Variants in PLD5 observed in about 807,000 individuals in gnomAD.
PLD5 encodes inactive phospholipase D5.
PLD5 carries 36 observed loss-of-function variants against 61.1 expected under a neutral mutation model. The observed-to-expected ratio is 0.59, with a 90% CI of 0.45 to 0.78. The LOEUF is 0.78. Ranked by LOEUF, PLD5 falls within the 30% of genes least tolerant of loss-of-function variation. PLD5 has a pLI of 0.00. For synonymous variants in PLD5, 243 were observed against 242.8 expected (o/e 1.00, Z -0.01); for missense variants, 515 against 644.4 (o/e 0.80, Z 2.17).
chr1:242,496,509 C>T (rs1442493845), intron 1 of PLD5, among the ~76,000 whole-genome samples: 5 of 152,122 alleles, frequency 3.3e-5, no homozygotes, highest in Admixed American at 2.6e-4. Context: ...TTTTAAAAAG[C>T]ATTTCTGGAT....
chr1:242,363,457 A>G (rs1404879751), intron 1 of PLD5, among the ~76,000 whole-genome samples: 60 of 132,082 alleles, frequency 4.5e-4, no homozygotes, highest in South Asian at 1.6e-3. Flanking sequence ...GTCTCTTTAA[A>G]AAAAAAAAAA....
intron 5 of PLD5, among the ~76,000 whole-genome samples, chr1:242,132,377 A>G (rs993181732): frequency 6.6e-6 from 1 of 152,154 alleles, no homozygotes; most frequent in African/African-American, 2.4e-5. Context: ...AGAATAATTA[A>G]TATGAGTTAG....
chr1:242,395,082 T>A (rs1197470647), intron 1 of PLD5, among the ~76,000 whole-genome samples: 26 of 91,168 alleles, frequency 2.9e-4, no homozygotes, highest in East Asian at 5.7e-4. Context: ...AATATATATG[T>A]ATATATATGA....
chr1:242,473,535 A>T (rs1412147272), intron 1 of PLD5, among the ~76,000 whole-genome samples: 1 of 152,250 alleles, frequency 6.6e-6, no homozygotes, highest in Non-Finnish European at 1.5e-5. Context: ...ATTACTAAAC[A>T]TGAGTATAGG....
In PLD5 at chr1:242,256,465, G is replaced by C. The variant is rs546597377; in HGVS notation, c.607+8872C>G. ...GGTCTTTGGAAAGTGACTGAGTCAC[G>C]AATGTATTGGTGTCTTGTAGCGGGG... On this transcript the variant is annotated intron_variant, in intron 4 of 9. Coordinates refer to ENST00000536534, the MANE Select transcript of PLD5 (RefSeq NM_001372062.1). The surrounding 1 kb of genome is among the most constrained non-coding windows in gnomAD (Gnocchi z 5.7). Among the ~76,000 whole-genome samples the C allele has an allele frequency of 6.6e-6, 1 of 152,320 alleles. No homozygotes were observed. The highest frequency in any genetic ancestry group is 2.4e-5 in the African/African-American group (1 of 41,570).
intron 4 of PLD5, among the ~76,000 whole-genome samples, chr1:242,234,348 C>G (rs1030105310): frequency 6.6e-6 from 1 of 152,162 alleles, no homozygotes; most frequent in Non-Finnish European, 1.5e-5. Flanking sequence ...AGCCCCACAT[C>G]TTATGAACTT....
At chr1:242,462,669 G>C (rs1335750156) in intron 1 of PLD5, among the ~76,000 whole-genome samples, 1 of 151,912 alleles carries the variant, frequency 6.6e-6, no homozygotes, top group Admixed American at 6.6e-5. Flanking sequence ...TGCCTGGACT[G>C]TAACCCTCTC....
At chr1:242,307,415 G>A (rs1287491272) in intron 2 of PLD5, among the ~76,000 whole-genome samples, 7 of 152,094 alleles carry the variant, frequency 4.6e-5, no homozygotes, top group African/African-American at 7.2e-5. Flanking sequence ...CTTATTGAGA[G>A]GCCCATAAGC....
At chr1:242,295,932 A>C (rs1017847737) in intron 2 of PLD5, among the ~76,000 whole-genome samples, 6 of 152,176 alleles carry the variant, frequency 3.9e-5, no homozygotes, top group Admixed American at 2.6e-4. Flanking sequence ...TTCATACTTG[A>C]TTTTGGCATT....
At chr1:242,206,151 T>A (rs1349547514) in intron 5 of PLD5, among the ~76,000 whole-genome samples, 1 of 152,192 alleles carries the variant, frequency 6.6e-6, no homozygotes, top group Non-Finnish European at 1.5e-5. Flanking sequence ...TATCAGTCAA[T>A]CTCTTTGCTG....
At chr1:242,338,341 G>C (rs1659644543) in intron 2 of PLD5, among the ~76,000 whole-genome samples, 1 of 152,044 alleles carries the variant, frequency 6.6e-6, no homozygotes, top group Non-Finnish European at 1.5e-5. Context: ...TACACATAGG[G>C]CCTCTTCCTG....
chr1:242,232,808 A>G (rs1303037302), intron 4 of PLD5, among the ~76,000 whole-genome samples: 4 of 152,148 alleles, frequency 2.6e-5, no homozygotes, highest in Non-Finnish European at 1.5e-5. Flanking sequence ...ATGCCACTGC[A>G]CTCCAGCCTG....
intron 1 of PLD5, among the ~76,000 whole-genome samples, chr1:242,470,580 A>G (rs1278930502): frequency 6.6e-6 from 1 of 152,162 alleles, no homozygotes; most frequent in Non-Finnish European, 1.5e-5. Flanking sequence ...CAGCTACTAG[A>G]GTCTAGCCAC....
At chr1:242,232,216 C>T (rs956037409) in intron 4 of PLD5, among the ~76,000 whole-genome samples, 1 of 152,112 alleles carries the variant, frequency 6.6e-6, no homozygotes. Flanking sequence ...AGATTTTAAA[C>T]ACTTTCAGAG....
chr1:242,259,893 C>T (rs1673283971), intron 4 of PLD5, among the ~76,000 whole-genome samples: 1 of 152,002 alleles, frequency 6.6e-6, no homozygotes, highest in Non-Finnish European at 1.5e-5. Flanking sequence ...ACAGTGGTAT[C>T]CTTGAGGGAT....
intron 2 of PLD5, among the ~76,000 whole-genome samples, chr1:242,335,600 T>C (rs1005539197): frequency 1.3e-5 from 2 of 152,176 alleles, no homozygotes; most frequent in Non-Finnish European, 2.9e-5. Flanking sequence ...AGATGCTACA[T>C]CTAGCCAAAT....
At chr1:242,263,447 C>A (rs1295589646) in intron 4 of PLD5, among the ~76,000 whole-genome samples, 1 of 150,630 alleles carries the variant, frequency 6.6e-6, no homozygotes, top group East Asian at 2.0e-4. Flanking sequence ...GCACTGTGAT[C>A]ATTTAATATA....
intron 8 of PLD5, among the ~76,000 whole-genome samples, chr1:242,103,907 T>C (rs957584812): frequency 7.2e-5 from 11 of 152,234 alleles, no homozygotes; most frequent in African/African-American, 2.7e-4. Flanking sequence ...GAGATTAAGA[T>C]GAAAACACAG....
At chr1:242,417,527 G>C (rs2149294766) in intron 1 of PLD5, among the ~76,000 whole-genome samples, 1 of 152,350 alleles carries the variant, frequency 6.6e-6, no homozygotes, top group East Asian at 1.9e-4. Flanking sequence ...CCTCTGAGCT[G>C]CTACACTAAG....
Sources: allele counts gnomAD v4.1 joint callset (sites outside exome capture counted in the v4.1 genomes callset), GRCh38; gene constraint gnomAD v4.1.1; non-coding constraint Gnocchi (gnomAD v3.1); transcripts MANE v1.5; gene names NCBI Gene and HGNC (gene_info 2026-07-23, HGNC 2026-07-21).